ZNF705G: variants seen among roughly 807,000 people sequenced by gnomAD.
The protein encoded by ZNF705G is putative zinc finger protein 705G.
ZNF705G carries 23 observed loss-of-function variants against 19.6 expected under a neutral mutation model. That is an observed-to-expected ratio of 1.17 (90% confidence interval 0.84 to 1.66). ZNF705G has a LOEUF of 1.66. Ranked by LOEUF, ZNF705G falls within the 40% of genes most tolerant of loss-of-function variation. ZNF705G has a pLI of 0.00. For synonymous variants in ZNF705G, 146 were observed against 117.7 expected, an observed-to-expected ratio of 1.24 and a Z score of -1.56; for missense variants, 457 against 354.4, an observed-to-expected ratio of 1.29 and a Z score of -2.32.
intron 1 of ZNF705G, among the ~76,000 whole-genome samples, chr8:7,382,047 G>A (rs1374583307): frequency 6.6e-6 from 1 of 152,168 alleles, no homozygotes; most frequent in Non-Finnish European, 1.5e-5. Context: ...ACAAGGGCGT[G>A]ATACAAAAGT....
chr8:7,361,357 G>A lies in ZNF705G; in HGVS notation c.13-121C>T, dbSNP rs1806586219. The A allele has an allele frequency of 1.9e-6, 3 of 1,546,948 alleles. No individual in the cohort carries two copies. In the South Asian group the frequency reaches 3.6e-5, roughly 18 times the overall value. ...AGAATACTCAGTGTTTTGGGTTCCA[G>A]CCAGTTCATTCTCAGTACTAAGCTG... On this transcript the variant is annotated intron_variant, in intron 3 of 6. Coordinates refer to ENST00000400156, the MANE Select transcript of ZNF705G (RefSeq NM_001164457.3).
At chr8:7,382,902 C>T (rs1807557293) in intron 1 of ZNF705G, among the ~76,000 whole-genome samples, 1 of 146,982 alleles carries the variant, frequency 6.8e-6, no homozygotes. Context: ...GAGTAGAGTA[C>T]ATTGTACCTA....
chr8:7,367,277 G>A (rs548532487), intron 2 of ZNF705G, among the ~76,000 whole-genome samples: 1 of 149,406 alleles, frequency 6.7e-6, no homozygotes, highest in African/African-American at 2.6e-5. Flanking sequence ...GAAATGTCAG[G>A]TGATGGCCTG....
intron 2 of ZNF705G, among the ~76,000 whole-genome samples, chr8:7,365,504 G>C (rs1421008318): frequency 6.8e-6 from 1 of 148,038 alleles, no homozygotes; most frequent in African/African-American, 2.6e-5. Flanking sequence ...TCAGCCTCCT[G>C]AGTAGCTGGG....
At position 7,356,399 on chromosome 8, in the gene ZNF705G, G is replaced by C. The variant is rs1186948198; in HGVS notation, c.*1577C>G. On this transcript the variant is annotated 3_prime_UTR_variant, in exon 7 of 7. Transcript: ENST00000400156. ...AGGCTCCAGGGACAAAATTTCAAGA[G>C]TCTTCTGAGGGATAGAAGAGAAGAG... The C allele has an allele frequency of 6.7e-6, 1 of 149,868 alleles. No individual in the cohort carries two copies. 9.3% of individuals were successfully genotyped at this position (149,868 alleles called of 1,614,324 possible). A position where few individuals can be genotyped will look rare whatever the true frequency, so the allele number is the denominator to read the frequency against.
chr8:7,357,979 T>A lies in ZNF705G; in HGVS notation c.900A>T (p.Arg300Ser). The A allele has an allele frequency of 1.2e-6, 2 of 1,609,332 alleles. No homozygotes were observed. Among genetic ancestry groups the A allele is most frequent in the Non-Finnish European group, 1.7e-6 (2 of 1,179,782 alleles). The change falls in exon 7 of 7, where the codon AGA (arginine) becomes AGT (serine). Residue 300 changes from arginine (R) to serine (S), a missense_variant. Transcript: ENST00000400156. Reference sequence around the variant, plus strand: ...CTCCAGTGCGTGTTCTCTCATGTCATCTAAGGTTGGAAGACAGACTGAAGG... The same window carrying A: ...CTCCAGTGCGTGTTCTCTCATGTCAACTAAGGTTGGAAGACAGACTGAAGG... ...GKAFSLSSNL[R>S]
rs775108836 is a variant in ZNF705G at position 7,360,319 on chromosome 8, G to C, written c.153C>G (p.Ser51Arg). The C allele has an allele frequency of 2.1e-5, 33 of 1,588,866 alleles. No individual in the cohort carries two copies. The highest frequency in any genetic ancestry group is 2.7e-5 in the Non-Finnish European group (32 of 1,178,426). ...SHLVSLGYQISKSYIILQLEQ... is the reference protein window; with the variant it reads ...SHLVSLGYQIRKSYIILQLEQ... ...CCAGCTGCAAAATTATATAGGATTT[G>C]CTTATCTGGTACCCTGTTAGTGGAA... Residue 51 changes from serine to arginine, a missense_variant, in exon 5 of 7, where the codon AGC becomes AGG. Transcript: ENST00000400156.
chr8:7,371,417 C>A (rs1807093361), intron 2 of ZNF705G, among the ~76,000 whole-genome samples: 1 of 140,666 alleles, frequency 7.1e-6, no homozygotes, highest in South Asian at 2.4e-4. Context: ...GCTAAGAATA[C>A]TGTATTACAT....
At chr8:7,383,847 C>T (rs1490732233) in intron 1 of ZNF705G, among the ~76,000 whole-genome samples, 1 of 146,414 alleles carries the variant, frequency 6.8e-6, no homozygotes, top group Non-Finnish European at 1.5e-5. Context: ...GAGAAGTAAA[C>T]TTCTGCTCTT....
At chr8:7,379,720 G>T (rs1282097620) in intron 2 of ZNF705G, among the ~76,000 whole-genome samples, 1 of 147,264 alleles carries the variant, frequency 6.8e-6, no homozygotes, top group African/African-American at 2.7e-5. Context: ...TGCAATCCTA[G>T]CCAAGGGACA....
intron 2 of ZNF705G, among the ~76,000 whole-genome samples, chr8:7,380,318 T>C (rs1234304484): frequency 6.8e-6 from 1 of 147,258 alleles, no homozygotes; most frequent in East Asian, 1.9e-4. Context: ...AAGGTCGTTG[T>C]CCAGGAGGCT....
intron 6 of ZNF705G, 58 bp downstream of exon 6, chr8:7,359,561 T>G: frequency 1.9e-6 from 3 of 1,600,152 alleles, no homozygotes; most frequent in South Asian, 2.2e-5. Context: ...CATTACTAAC[T>G]TAATCCATTA....
chr8:7,369,760 G>C lies in ZNF705G; in HGVS notation c.-71-6743C>G, dbSNP rs1176975267. 1.3e-5 allele frequency among the ~76,000 whole-genome samples: 2 copies of C among 149,190 alleles called. 1 individual carries two copies. ...TTGCACCAACATGGATGCAGCTGGA[G>C]GCCATTATTCTAAAATAATGCAGGA... On this transcript the variant is annotated intron_variant, in intron 2 of 6. Coordinates refer to ENST00000400156, the MANE Select transcript of ZNF705G (RefSeq NM_001164457.3).
intron 2 of ZNF705G, among the ~76,000 whole-genome samples, chr8:7,365,949 G>T (rs1283231365): frequency 8.0e-5 from 12 of 149,234 alleles, no homozygotes; most frequent in Non-Finnish European, 1.5e-4. Context: ...CTGCAGTCTC[G>T]AAAAGTGCTA....
Position 7,360,364 on chromosome 8 carries a change from T to G in ZNF705G, c.140-32A>C, listed in dbSNP as rs181325271. 2.5e-4 allele frequency: 402 copies of G among 1,586,598 alleles called. 31 individuals are homozygous for G. The African/African-American group carries it at 4.9e-3, about 19-fold the overall frequency. Reference sequence around the variant, plus strand: ...GTGGAAAGAATACATGTGTTTTGAGTTCACTGTCAATAAATGTGCATTATC... The same window carrying G: ...GTGGAAAGAATACATGTGTTTTGAGGTCACTGTCAATAAATGTGCATTATC... On this transcript the variant is annotated intron_variant, in intron 4 of 6. Transcript: ENST00000400156.
At position 7,375,399 on chromosome 8, in the gene ZNF705G, G is replaced by C. The variant is rs553077502; in HGVS notation, c.-72+6053C>G. The stretch of plus-strand genomic sequence containing the variant: ...ATGCATAGTATTCCGTGACATATAT[G>C]TACTACATTTTCTTTATTCAATCCA... On this transcript the variant is annotated intron_variant, in intron 2 of 6. Coordinates refer to ENST00000400156, the MANE Select transcript of ZNF705G (RefSeq NM_001164457.3). Among the ~76,000 whole-genome samples, 18 of 92,092 alleles carry C rather than the reference G, an allele frequency of 2.0e-4. 7 individuals carry two copies. Among genetic ancestry groups the C allele is most frequent in the African/African-American group, 8.1e-4 (16 of 19,706 alleles). 60.4% of individuals were successfully genotyped at this position (92,092 alleles called of 152,430 possible).
At chr8:7,381,683 A>T (rs1370551604) in intron 1 of ZNF705G, 82 bp from the exon 2 acceptor site, 1 of 148,738 alleles carries the variant, frequency 6.7e-6, no homozygotes, top group Non-Finnish European at 1.5e-5. Flanking sequence ...TATAAATAAG[A>T]GCTAAGCATT....
At position 7,358,427 on chromosome 8, in the gene ZNF705G, T is replaced by G. The variant is rs551807528; in HGVS notation, c.452A>C (p.Lys151Thr). The G allele has an allele frequency of 1.9e-6, 3 of 1,607,702 alleles. No homozygotes were observed. The South Asian group carries it at 3.3e-5, about 18-fold the overall frequency. Reference protein sequence around the residue: ...KKPYVSKQCGKSLRNLLSTEP... With the variant: ...KKPYVSKQCGTSLRNLLSTEP... ...AGTGGACAAAAGATTACGAAGGGAT[T>G]TTCCACACTGTTTGCTGACATAGGG... Residue 151 changes from lysine to threonine, a missense_variant, in exon 7 of 7, where the codon AAA becomes ACA. By Grantham distance (78) the Lys-to-Thr change is moderately conservative (BLOSUM62 -1). Transcript: ENST00000400156.
intron 2 of ZNF705G, among the ~76,000 whole-genome samples, chr8:7,369,602 A>G (rs1807007931): frequency 6.7e-6 from 1 of 149,720 alleles, no homozygotes; most frequent in South Asian, 2.1e-4. Context: ...GCACTCATAT[A>G]TTTATTATAG....
Sources: gnomAD v4.1 joint callset for allele counts (sites outside exome capture counted in the v4.1 genomes callset) on GRCh38, gnomAD v4.1.1 for gene constraint, MANE v1.5 for transcripts, NCBI Gene and HGNC (gene_info 2026-07-23, HGNC 2026-07-21) for gene names.